MYT1L: variants seen among roughly 807,000 people sequenced by gnomAD.
MYT1L encodes myelin transcription factor 1 like, also known as myelin transcription factor 1-like protein.
Under a neutral mutation model 126.7 loss-of-function variants are expected in MYT1L, and 12 were observed. The ratio of observed to expected loss-of-function variants is 0.09; its 90% CI spans 0.06 to 0.15. MYT1L has a LOEUF of 0.15. MYT1L is among the 10% of genes least tolerant of loss of function. MYT1L has a pLI of 1.00. For missense variants in MYT1L, 979 were observed against 1,585.2 expected (o/e 0.62, Z 6.49); for synonymous variants, 541 against 604.2 (o/e 0.90, Z 1.53).
chr2:1,987,363 T>A (rs138980962), intron 5 of MYT1L, among the ~76,000 whole-genome samples: 4 of 149,824 alleles, frequency 2.7e-5, no homozygotes, highest in African/African-American at 7.6e-5. Context: ...TGGAAAAATA[T>A]GATGATCTGA....
chr2:2,020,452 C>T (rs1329989034), intron 4 of MYT1L, among the ~76,000 whole-genome samples: 1 of 152,128 alleles, frequency 6.6e-6, no homozygotes, highest in Admixed American at 6.5e-5. Flanking sequence ...ACACATTTGC[C>T]AGTGTGGGGT....
chr2:2,262,661 C>A (rs183833014), intron 2 of MYT1L, among the ~76,000 whole-genome samples: 5,516 of 149,766 alleles, frequency 0.037, 330 homozygotes, highest in African/African-American at 0.13. Flanking sequence ...CCACTGCACT[C>A]CAGCCTGGGT....
intron 21 of MYT1L, among the ~76,000 whole-genome samples, chr2:1,834,911 C>A (rs1265425266): frequency 4.7e-5 from 6 of 127,086 alleles, no homozygotes; most frequent in African/African-American, 2.2e-4. Flanking sequence ...TACTTCTCCA[C>A]ATACCACGGG....
intron 3 of MYT1L, among the ~76,000 whole-genome samples, chr2:2,160,577 C>T (rs1425119326): frequency 7.9e-5 from 12 of 152,142 alleles, no homozygotes; most frequent in Admixed American, 5.9e-4. Context: ...GGGCAACATG[C>T]GTCCCTGTGC....
chr2:2,278,721 T>C (rs954523376), intron 2 of MYT1L, among the ~76,000 whole-genome samples: 6 of 152,244 alleles, frequency 3.9e-5, no homozygotes, highest in African/African-American at 1.4e-4. Flanking sequence ...GTTGATGCTT[T>C]AAACTTCAGG....
intron 3 of MYT1L, among the ~76,000 whole-genome samples, chr2:2,133,432 ATGT>A (rs1024656968): frequency 1.3e-5 from 2 of 152,178 alleles, no homozygotes; most frequent in Non-Finnish European, 2.9e-5. Flanking sequence ...CTAATCTCTT[ATGT>A]TGTTATTTTT....
intron 8 of MYT1L, among the ~76,000 whole-genome samples, chr2:1,946,163 T>C (rs2057199556): frequency 1.3e-5 from 2 of 152,106 alleles, no homozygotes; most frequent in African/African-American, 2.4e-5. Context: ...GTGAGGGATG[T>C]AGGTTGTGTG....
At chr2:1,904,278 A>G (rs769659049) in intron 13 of MYT1L, among the ~76,000 whole-genome samples, 1 of 152,116 alleles carries the variant, frequency 6.6e-6, no homozygotes, top group Non-Finnish European at 1.5e-5. Context: ...CCCCCTCGAC[A>G]GCTCCTCAGT....
intron 3 of MYT1L, among the ~76,000 whole-genome samples, chr2:2,054,363 GGAGAT>G (rs2069212017): frequency 6.6e-6 from 1 of 151,982 alleles, no homozygotes; most frequent in African/African-American, 2.4e-5. Context: ...TGAAACACTA[GGAGAT>G]GAGACACATG....
intron 8 of MYT1L, chr2:1,974,652 C>T (rs2149464508): frequency 6.6e-6 from 1 of 152,238 alleles, no homozygotes; most frequent in South Asian, 2.1e-4. Context: ...GGGATGGAAA[C>T]AGTTTTCCTT....
intron 2 of MYT1L, among the ~76,000 whole-genome samples, chr2:2,180,011 TCA>T (rs1256344601): frequency 1.3e-5 from 2 of 152,192 alleles, no homozygotes; most frequent in African/African-American, 2.4e-5. Flanking sequence ...GTTCATACCT[TCA>T]CACACTGTTT....
chr2:2,285,791 GC>G (rs750680485), intron 1 of MYT1L, among the ~76,000 whole-genome samples: 2 of 152,148 alleles, frequency 1.3e-5, no homozygotes, highest in Non-Finnish European at 2.9e-5. Context: ...CTCAAAGTCG[GC>G]ATCATTATTT....
chr2:1,903,787 A>T (rs2050656703), intron 13 of MYT1L, among the ~76,000 whole-genome samples: 1 of 152,230 alleles, frequency 6.6e-6, no homozygotes, highest in Non-Finnish European at 1.5e-5. Flanking sequence ...ACAATGAGGT[A>T]GGCTAGGTGG....
chr2:1,868,626 T>G (rs2045895775), intron 18 of MYT1L, among the ~76,000 whole-genome samples: 1 of 152,134 alleles, frequency 6.6e-6, no homozygotes, highest in African/African-American at 2.4e-5. Flanking sequence ...CTTTGAAGGC[T>G]TAGGAAGGGA....
chr2:2,199,048 C>T (rs1198195017), intron 2 of MYT1L, among the ~76,000 whole-genome samples: 2 of 151,910 alleles, frequency 1.3e-5, no homozygotes, highest in African/African-American at 4.8e-5. Context: ...ATTTCAGAGA[C>T]AGGACTAAGT....
chr2:2,283,468 A>G (rs1472126881), intron 2 of MYT1L, among the ~76,000 whole-genome samples: 3 of 152,236 alleles, frequency 2.0e-5, no homozygotes, highest in Admixed American at 1.3e-4. Context: ...GATGCCTTGA[A>G]AAGTATAATT....
chr2:2,184,009 G>A (rs1245848973), intron 2 of MYT1L, among the ~76,000 whole-genome samples: 4 of 149,682 alleles, frequency 2.7e-5, no homozygotes, highest in Non-Finnish European at 5.9e-5. Context: ...GGGAGAAAGA[G>A]AAAGAGAGAA....
intron 3 of MYT1L, among the ~76,000 whole-genome samples, chr2:2,156,939 CTGT>C (rs2086828009): frequency 6.6e-6 from 1 of 152,170 alleles, no homozygotes; most frequent in African/African-American, 2.4e-5. Context: ...GAAAACAAAG[CTGT>C]TTTTGTTTTC....
intron 4 of MYT1L, among the ~76,000 whole-genome samples, chr2:2,002,316 C>T (rs1216189171): frequency 6.6e-6 from 1 of 152,184 alleles, no homozygotes; most frequent in East Asian, 1.9e-4. Flanking sequence ...CCTCTTCTAG[C>T]CCAATACCTC....
Sources: gnomAD v4.1 joint callset for allele counts (sites outside exome capture counted in the v4.1 genomes callset) on GRCh38, gnomAD v4.1.1 for gene constraint, MANE v1.5 for transcripts, NCBI Gene and HGNC (gene_info 2026-07-23, HGNC 2026-07-21) for gene names.